Variants in RNF111 observed in about 807,000 individuals in gnomAD.
RNF111 encodes E3 ubiquitin-protein ligase Arkadia.
Under a neutral mutation model 95.1 loss-of-function variants are expected in RNF111, and 17 were observed. The observed-to-expected ratio is 0.18, with a 90% CI of 0.12 to 0.27. The LOEUF is 0.27. Ranked by LOEUF, RNF111 falls within the 10% of genes least tolerant of loss-of-function variation. The pLI, the probability that RNF111 is intolerant of heterozygous loss-of-function variation, is 1.00. For missense variants in RNF111, 1,189 were observed against 1,210.4 expected (o/e 0.98, Z 0.26); for synonymous variants, 440 against 414.8 (o/e 1.06, Z -0.74).
At chr15:59,073,630 G>C (rs2043041887) in intron 6 of RNF111, among the ~76,000 whole-genome samples, 1 of 152,168 alleles carries the variant, frequency 6.6e-6, no homozygotes, top group South Asian at 2.1e-4. Flanking sequence ...GACATCTGTA[G>C]TTACTTCATC....
Position 59,081,147 on chromosome 15 carries a change from C to T in RNF111, c.2160C>T (p.Ile720=). The T allele has an allele frequency of 1.2e-6, 2 of 1,614,188 alleles. No homozygotes were observed. Among genetic ancestry groups the T allele is most frequent in the South Asian group, 2.2e-5 (2 of 91,080 alleles). ...PTHLASTAAP[I]PQHLPPTHQP... ...ACTTAGCCAGTACAGCTGCACCAATCCCTCAGCATCTTCCTCCTACACACC... is the reference window on the plus strand; with the variant it reads ...ACTTAGCCAGTACAGCTGCACCAATTCCTCAGCATCTTCCTCCTACACACC... Residue 720 remains isoleucine (I), a synonymous_variant, in exon 8 of 14, where the codon ATC becomes ATT. Transcript: ENST00000348370.
chr15:59,050,626 A>G (rs2041936009), intron 2 of RNF111, among the ~76,000 whole-genome samples: 1 of 152,212 alleles, frequency 6.6e-6, no homozygotes, highest in Non-Finnish European at 1.5e-5. Context: ...AGTATACTAA[A>G]AGCTGAAGGA....
chr15:59,095,967 CTT>C lies in RNF111; in HGVS notation c.*1068_*1069del, dbSNP rs1168962684. On this transcript the variant is annotated 3_prime_UTR_variant, in exon 14 of 14. Coordinates refer to ENST00000348370, the MANE Select transcript of RNF111 (RefSeq NM_017610.8). ...TAAAGTCAGCTGAATCTACATGTCT[CTT>C]GTTTTATTTCTCTCTAAACTTGAAA... 5.0e-6 allele frequency: 2 copies of C among 398,332 alleles called. No individual in the cohort carries two copies. The highest frequency in any genetic ancestry group is 4.4e-5 in the Admixed American group (1 of 22,704). 24.7% of individuals were successfully genotyped at this position (398,332 alleles called of 1,614,324 possible). A position where few individuals can be genotyped will look rare whatever the true frequency, so the allele number is the denominator to read the frequency against.
intron 1 of RNF111, among the ~76,000 whole-genome samples, chr15:59,000,354 G>T (rs2039270979): frequency 6.6e-6 from 1 of 151,590 alleles, no homozygotes; most frequent in Non-Finnish European, 1.5e-5. Context: ...AGTAGAGACG[G>T]GTTTCACCAT....
rs758601692 is a variant in RNF111, at chr15:59,094,933, A to G, written c.*33A>G. On this transcript the variant is annotated 3_prime_UTR_variant, in exon 14 of 14. Coordinates refer to ENST00000348370, the MANE Select transcript of RNF111 (RefSeq NM_017610.8). ...TTTCAGAACTCTTGCCCTCCCTCTC[A>G]TTCCCATCCTTCCTGGTACTGCAGT... 8.1e-7 allele frequency: 1 copy of G among 1,233,392 alleles called. No homozygotes were observed. The highest frequency in any genetic ancestry group is 1.7e-5 in the Admixed American group (1 of 59,318). The allele number at this position is 1,233,392 out of a possible 1,614,324, so 76.4% of individuals were successfully genotyped here.
chr15:59,009,440 A>G (rs141705081), intron 1 of RNF111, among the ~76,000 whole-genome samples: 171 of 151,924 alleles, frequency 1.1e-3, no homozygotes, highest in African/African-American at 3.8e-3. Context: ...ATGACTTAAT[A>G]TCAAAGTCAG....
chr15:59,009,261 G>A (rs113105798), intron 1 of RNF111, among the ~76,000 whole-genome samples: 1,928 of 151,954 alleles, frequency 0.013, 16 homozygotes, highest in Middle Eastern at 0.024. Flanking sequence ...GCCTGGCCAC[G>A]TATTTTACTT....
chr15:59,021,736 AATCTACATC>A (rs1464186779), intron 1 of RNF111, among the ~76,000 whole-genome samples: 2 of 152,170 alleles, frequency 1.3e-5, no homozygotes, highest in African/African-American at 4.8e-5. Context: ...CTGGATCGAA[AATCTACATC>A]ACTGTTCACT....
At chr15:59,051,691 C>T (rs2041991002) in intron 2 of RNF111, among the ~76,000 whole-genome samples, 2 of 151,248 alleles carry the variant, frequency 1.3e-5, no homozygotes, top group African/African-American at 2.4e-5. Context: ...ATCACTTGAA[C>T]CCAGGAGGCA....
intron 1 of RNF111, among the ~76,000 whole-genome samples, chr15:59,005,963 A>C (rs1407489864): frequency 6.6e-6 from 1 of 152,224 alleles, no homozygotes; most frequent in Non-Finnish European, 1.5e-5. Flanking sequence ...GATTTAAATC[A>C]ATGCATTTTG....
At chr15:59,076,249 G>A in intron 7 of RNF111, 34 bp downstream of exon 7, 2 of 1,593,260 alleles carry the variant, frequency 1.3e-6, no homozygotes, top group Admixed American at 1.7e-5. Flanking sequence ...AAAATCTAGA[G>A]TCATGTCAAT....
intron 12 of RNF111, among the ~76,000 whole-genome samples, chr15:59,092,048 A>C (rs2079068950): frequency 6.6e-6 from 1 of 152,218 alleles, no homozygotes; most frequent in African/African-American, 2.4e-5. Flanking sequence ...TATGTAAAGA[A>C]TAATCATAAA....
chr15:59,077,540 C>G (rs1046673526), intron 7 of RNF111, among the ~76,000 whole-genome samples: 1 of 152,036 alleles, frequency 6.6e-6, no homozygotes, highest in African/African-American at 2.4e-5. Context: ...TATTCTACTT[C>G]TTGTTTTTTG....
At chr15:59,044,104 C>T (rs1408839369) in intron 2 of RNF111, among the ~76,000 whole-genome samples, 1 of 152,144 alleles carries the variant, frequency 6.6e-6, no homozygotes, top group Non-Finnish European at 1.5e-5. Context: ...AATCTCGGCT[C>T]ACTGCAACCC....
intron 12 of RNF111, among the ~76,000 whole-genome samples, chr15:59,091,915 A>G (rs896051073): frequency 1.3e-5 from 2 of 152,312 alleles, no homozygotes; most frequent in Admixed American, 6.5e-5. Flanking sequence ...ATGAGAATCT[A>G]TCGCTGCTGC....
intron 11 of RNF111, among the ~76,000 whole-genome samples, chr15:59,090,204 GT>G (rs1278436546): frequency 4.4e-5 from 6 of 136,928 alleles, no homozygotes; most frequent in Admixed American, 2.3e-4. Flanking sequence ...GTTGTGGTTT[GT>G]TTTTTTGTTT....
chr15:59,014,304 A>G (rs2039967040), intron 1 of RNF111, among the ~76,000 whole-genome samples: 1 of 152,138 alleles, frequency 6.6e-6, no homozygotes, highest in African/African-American at 2.4e-5. Flanking sequence ...TTTTGCCAAG[A>G]AACCTTTGTT....
intron 6 of RNF111, 62 bp downstream of exon 6, chr15:59,067,145 C>T: frequency 5.3e-6 from 7 of 1,328,548 alleles, no homozygotes; most frequent in Non-Finnish European, 7.4e-6. Context: ...CTCTCTCCTT[C>T]TCCCTTTTCT....
At chr15:59,082,295 G>C (rs1290558735) in intron 8 of RNF111, among the ~76,000 whole-genome samples, 1 of 152,156 alleles carries the variant, frequency 6.6e-6, no homozygotes, top group Non-Finnish European at 1.5e-5. Context: ...AGACTGGTCT[G>C]ATGTGAGCTA....
Sources: gnomAD v4.1 joint callset for allele counts (sites outside exome capture counted in the v4.1 genomes callset) on GRCh38, gnomAD v4.1.1 for gene constraint, MANE v1.5 for transcripts, NCBI Gene and HGNC (gene_info 2026-07-23, HGNC 2026-07-21) for gene names.